ADAM9: variants seen among roughly 807,000 people sequenced by gnomAD.
The protein encoded by ADAM9 is ADAM metallopeptidase domain 9.
ADAM9 carries 54 observed loss-of-function variants against 108.1 expected under a neutral mutation model. That is an observed-to-expected ratio of 0.50 (90% CI 0.40 to 0.63). ADAM9 has a LOEUF of 0.63. ADAM9 is among the 20% of genes least tolerant of loss of function. ADAM9 has a pLI of 0.00. For missense variants in ADAM9, 830 were observed against 997.7 expected (o/e 0.83, Z 2.26); for synonymous variants, 316 against 336.0 (o/e 0.94, Z 0.65).
In ADAM9 at chr8:39,091,351, G is replaced by A; in HGVS notation, c.2298+5G>A. The A allele has an allele frequency of 6.2e-7, 1 of 1,611,654 alleles. No individual in the cohort carries two copies. ...GTGACACCTCCCAGAGAAGTTGTAA[G>A]TATAAAATGAAAAATTATTTTTCTT... On this transcript the variant is annotated splice_donor_5th_base_variant and intron_variant, in intron 20 of 21. Coordinates refer to ENST00000487273, the MANE Select transcript of ADAM9 (RefSeq NM_003816.3).
chr8:39,046,894 G>C (rs959330948), intron 12 of ADAM9, among the ~76,000 whole-genome samples: 5 of 151,800 alleles, frequency 3.3e-5, no homozygotes, highest in Non-Finnish European at 7.4e-5. Flanking sequence ...TCAGCCTCTT[G>C]AGTAGTCGGG....
At chr8:39,018,605 A>G in intron 6 of ADAM9, 1 of 520,574 alleles carries the variant, frequency 1.9e-6, no homozygotes, top group Non-Finnish European at 3.4e-6. Flanking sequence ...ACACTTCAAA[A>G]ACATTTTTTT....
Position 39,104,303 on chromosome 8 carries a change from A to G in ADAM9, c.*603A>G, listed in dbSNP as rs1360863182. On this transcript the variant is annotated 3_prime_UTR_variant, in exon 22 of 22. Coordinates refer to ENST00000487273, the MANE Select transcript of ADAM9 (RefSeq NM_003816.3). ...TCATATTATTTTGAAAGTACAAAAT[A>G]TACTAAAAGAGTGTGTGTGTATTCA... 3 of 453,034 alleles carry G rather than the reference A, an allele frequency of 6.6e-6. No individual in the cohort carries two copies. Among genetic ancestry groups the G allele is most frequent in the Admixed American group, 4.7e-5 (2 of 42,550 alleles). The allele number at this position is 453,034 out of a possible 1,614,324, so 28.1% of individuals were successfully genotyped here.
chr8:39,047,186 C>T (rs1389214019), intron 12 of ADAM9, among the ~76,000 whole-genome samples: 2 of 152,158 alleles, frequency 1.3e-5, no homozygotes, highest in Non-Finnish European at 2.9e-5. Flanking sequence ...TAATGTGCTG[C>T]TGAATTTGGT....
At chr8:39,038,517 C>T (rs990756943) in intron 11 of ADAM9, among the ~76,000 whole-genome samples, 1 of 152,168 alleles carries the variant, frequency 6.6e-6, no homozygotes, top group Admixed American at 6.5e-5. Context: ...CACCCACACC[C>T]CGTCGCCTTT....
At chr8:39,008,064 T>G (rs1836221706) in intron 2 of ADAM9, 81 bp downstream of exon 2, 3 of 1,048,040 alleles carry the variant, frequency 2.9e-6, no homozygotes, top group Admixed American at 1.9e-5. Flanking sequence ...TTTGTAGCAG[T>G]GATCAGTTCA....
intron 1 of ADAM9, among the ~76,000 whole-genome samples, chr8:39,000,797 G>A (rs1298438507): frequency 6.6e-6 from 1 of 152,104 alleles, no homozygotes. Context: ...GTGAGCTAGG[G>A]AACCTTAGAA....
At chr8:39,057,490 G>A (rs1426336992) in intron 14 of ADAM9, among the ~76,000 whole-genome samples, 1 of 122,332 alleles carries the variant, frequency 8.2e-6, no homozygotes, top group Non-Finnish European at 1.8e-5. Flanking sequence ...TATATGAATT[G>A]GCTTGTGTGA....
intron 14 of ADAM9, among the ~76,000 whole-genome samples, chr8:39,061,440 T>G (rs536885654): frequency 2.6e-5 from 4 of 152,204 alleles, no homozygotes; most frequent in Non-Finnish European, 5.9e-5. Flanking sequence ...TACTCTGACT[T>G]CTTGACCACA....
intron 11 of ADAM9, among the ~76,000 whole-genome samples, chr8:39,032,643 C>T (rs556542535): frequency 1.0e-3 from 156 of 152,362 alleles, no homozygotes; most frequent in East Asian, 4.4e-3. Flanking sequence ...GGCGATGCCC[C>T]GCCCTGCTTT....
chr8:39,014,457 C>G (rs556122062), intron 4 of ADAM9: 1 of 667,648 alleles, frequency 1.5e-6, no homozygotes, highest in Non-Finnish European at 2.7e-6. Flanking sequence ...TTCTAATGTT[C>G]TAAATTTTTT....
In ADAM9 at chr8:39,000,231, A is replaced by G. The variant is rs531252029; in HGVS notation, c.97+3071A>G. ...ATGGTCTCGACCTCCTGACCTCGTGATCCGCCCACCTCAGCCTCCCAAAGC... is the reference window on the plus strand; with the variant it reads ...ATGGTCTCGACCTCCTGACCTCGTGGTCCGCCCACCTCAGCCTCCCAAAGC... On this transcript the variant is annotated intron_variant, in intron 1 of 21. Coordinates refer to ENST00000487273, the MANE Select transcript of ADAM9 (RefSeq NM_003816.3). Among the ~76,000 whole-genome samples, 13 of 152,070 alleles carry G rather than the reference A, an allele frequency of 8.5e-5. No individual in the cohort carries two copies. The South Asian group carries it at 2.7e-3, about 32-fold the overall frequency.
In ADAM9 at chr8:39,021,635, T is replaced by G. The variant is rs1222641281; in HGVS notation, c.673-8T>G. 1 of 1,612,774 alleles carries G rather than the reference T, an allele frequency of 6.2e-7. No individual in the cohort carries two copies. The highest frequency in any genetic ancestry group is 8.5e-7 in the Non-Finnish European group (1 of 1,178,942). Reference sequence around the variant, plus strand: ...GGTGATAATGATTCTCCTTCTTTGCTTTTCCAGTATGACATGATGGGAAGA... The same window carrying G: ...GGTGATAATGATTCTCCTTCTTTGCGTTTCCAGTATGACATGATGGGAAGA... On this transcript the variant is annotated splice_region_variant and splice_polypyrimidine_tract_variant and intron_variant, in intron 7 of 21. Coordinates refer to ENST00000487273, the MANE Select transcript of ADAM9 (RefSeq NM_003816.3).
chr8:39,013,505 C>CT lies in ADAM9; in HGVS notation c.255-447dup, dbSNP rs370238974. Among the ~76,000 whole-genome samples the CT allele has an allele frequency of 8.1e-3, 1,101 of 135,890 alleles. 13 individuals are homozygous for CT. Among genetic ancestry groups the CT allele is most frequent in the African/African-American group, 0.026 (944 of 36,724 alleles). 89.1% of individuals were successfully genotyped at this position (135,890 alleles called of 152,430 possible). ...CGTTTATGAGCTTTTTTTTTTTCTC[C>CT]TTTTTTTTTTTTTAAGAGACAAGGT... On this transcript the variant is annotated intron_variant, in intron 3 of 21. Transcript: ENST00000487273.
chr8:39,044,882 AT>A (rs1454517240), intron 12 of ADAM9, among the ~76,000 whole-genome samples: 1 of 137,040 alleles, frequency 7.3e-6, no homozygotes. Context: ...ATACATATAT[AT>A]GTATATATAT....
intron 11 of ADAM9, among the ~76,000 whole-genome samples, chr8:39,028,296 T>C (rs373053393): frequency 9.9e-5 from 15 of 152,238 alleles, no homozygotes; most frequent in African/African-American, 3.4e-4. Flanking sequence ...TTACAGTTTT[T>C]GAACAAATAC....
At chr8:39,013,408 C>T (rs1409314993) in intron 3 of ADAM9, among the ~76,000 whole-genome samples, 1 of 151,312 alleles carries the variant, frequency 6.6e-6, no homozygotes, top group Non-Finnish European at 1.5e-5. Flanking sequence ...CATTTTAAGA[C>T]CATTACAAAA....
intron 18 of ADAM9, among the ~76,000 whole-genome samples, chr8:39,088,371 C>T (rs1839241714): frequency 6.6e-6 from 1 of 151,924 alleles, no homozygotes; most frequent in Admixed American, 6.6e-5. Flanking sequence ...TCTCCTGCCT[C>T]AGCCTCCCGA....
chr8:39,009,470 T>A (rs1836274457), intron 2 of ADAM9, among the ~76,000 whole-genome samples: 1 of 152,142 alleles, frequency 6.6e-6, no homozygotes, highest in South Asian at 2.1e-4. Context: ...AACTCTTGGC[T>A]TCAAGTGATC....
Sources: gnomAD v4.1 joint callset for allele counts (sites outside exome capture counted in the v4.1 genomes callset) on GRCh38, gnomAD v4.1.1 for gene constraint, MANE v1.5 for transcripts, NCBI Gene and HGNC (gene_info 2026-07-23, HGNC 2026-07-21) for gene names.